Variants in SOX5 observed in about 807,000 individuals in gnomAD.
SOX5 encodes transcription factor SOX-5.
SOX5 carries 9 observed loss-of-function variants against 92.0 expected under a neutral mutation model. The ratio of observed to expected loss-of-function variants is 0.10; its 90% CI spans 0.06 to 0.17. SOX5 has a LOEUF of 0.17. Ranked by LOEUF, SOX5 falls within the 10% of genes least tolerant of loss-of-function variation. The probability of loss-of-function intolerance (pLI) is 1.00; values close to 1 mark genes in which losing one functional copy is unlikely to be tolerated. For synonymous variants in SOX5, 344 were observed against 336.3 expected (o/e 1.02, Z -0.25); for missense variants, 642 against 944.5 (o/e 0.68, Z 4.20).
intron 4 of SOX5, among the ~76,000 whole-genome samples, chr12:24,096,860 G>A (rs534985570): frequency 6.6e-6 from 1 of 152,200 alleles, no homozygotes; most frequent in South Asian, 2.1e-4. Context: ...GTGTGTGTCT[G>A]TGTATGTTCA....
At chr12:23,767,118 G>A (rs189442089) in intron 3 of SOX5, among the ~76,000 whole-genome samples, 14 of 151,782 alleles carry the variant, frequency 9.2e-5, no homozygotes, top group African/African-American at 1.9e-4. Context: ...GAGGTGGGAG[G>A]AGCCTTTGAG....
intron 1 of SOX5, among the ~76,000 whole-genome samples, chr12:23,913,741 G>GAAA (rs765548695): frequency 1.7e-5 from 1 of 58,072 alleles, no homozygotes; most frequent in East Asian, 5.5e-4. Flanking sequence ...TGTCTCAGAA[G>GAAA]AAAAAAAAAA....
intron 6 of SOX5, among the ~76,000 whole-genome samples, chr12:23,726,176 G>GAGAGAGAGAGA (rs1555294880): frequency 2.7e-5 from 2 of 73,028 alleles, no homozygotes; most frequent in Non-Finnish European, 5.9e-5. Context: ...AGAGAGAGAG[G>GAGAGAGAGAGA]TCAGTTTCTC....
intron 4 of SOX5, among the ~76,000 whole-genome samples, chr12:24,086,584 T>C (rs1944022241): frequency 1.3e-5 from 2 of 151,886 alleles, no homozygotes; most frequent in African/African-American, 2.4e-5. Context: ...AAGAAGAACA[T>C]TTCAGAAATG....
intron 8 of SOX5, among the ~76,000 whole-genome samples, chr12:23,618,923 T>C (rs115344113): frequency 1.5e-3 from 223 of 152,222 alleles, no homozygotes; most frequent in African/African-American, 5.1e-3. Flanking sequence ...TCAAAAATAA[T>C]AGTTTCCAAG....
Position 24,068,680 on chromosome 12 carries a change from A to ATGTGTGTGTG in SOX5, c.-2+144653_-2+144662dup, listed in dbSNP as rs367765179. Among the ~76,000 whole-genome samples the ATGTGTGTGTG allele has an allele frequency of 4.9e-3, 308 of 62,804 alleles. 3 individuals are homozygous for ATGTGTGTGTG. Among genetic ancestry groups the ATGTGTGTGTG allele is most frequent in the Middle Eastern group, 0.014 (1 of 72 alleles). 41.2% of individuals were successfully genotyped at this position (62,804 alleles called of 152,430 possible). ...TTATTTTTAGAAAGGTCAAAGTCGTATGTGTGTGTGTGTGTGTGTGTGTGT... is the reference window on the plus strand; with the variant it reads ...TTATTTTTAGAAAGGTCAAAGTCGTATGTGTGTGTGTGTGTGTGTGTGTGTGTGTGTGTGT... On this transcript the variant is annotated intron_variant, in intron 4 of 4. Coordinates refer to the SOX5 transcript ENST00000446891.
intron 8 of SOX5, among the ~76,000 whole-genome samples, chr12:23,631,449 T>C (rs2078522548): frequency 6.6e-6 from 1 of 152,108 alleles, no homozygotes; most frequent in South Asian, 2.1e-4. Context: ...TTTTTCTTGA[T>C]AAAATTTAAA....
chr12:24,102,761 T>C (rs961023461), intron 4 of SOX5, among the ~76,000 whole-genome samples: 5 of 152,234 alleles, frequency 3.3e-5, no homozygotes, highest in Non-Finnish European at 4.4e-5. Flanking sequence ...GTTTCACTGA[T>C]GAGTAAGATC....
intron 8 of SOX5, among the ~76,000 whole-genome samples, chr12:23,610,571 C>T (rs963710152): frequency 6.6e-6 from 1 of 152,012 alleles, no homozygotes; most frequent in Non-Finnish European, 1.5e-5. Context: ...ATCTCTTGTA[C>T]ATATTTAATA....
intron 6 of SOX5, among the ~76,000 whole-genome samples, chr12:23,722,332 A>G (rs1479413447): frequency 6.6e-6 from 1 of 152,182 alleles, no homozygotes; most frequent in Non-Finnish European, 1.5e-5. Flanking sequence ...CATGCTAAAT[A>G]TTAAATATTT....
At chr12:23,693,381 C>A (rs2089239909) in intron 6 of SOX5, among the ~76,000 whole-genome samples, 1 of 152,146 alleles carries the variant, frequency 6.6e-6, no homozygotes, top group Non-Finnish European at 1.5e-5. Flanking sequence ...GCCTCAGCCT[C>A]CCAAAGTGCT....
chr12:24,426,710 G>A (rs779576012), intron 1 of SOX5, among the ~76,000 whole-genome samples: 56 of 152,140 alleles, frequency 3.7e-4, no homozygotes, highest in Non-Finnish European at 3.4e-4. Context: ...ATACTCCAGC[G>A]TACTGCCCCA....
At chr12:24,002,272 T>C (rs1229098615) in intron 4 of SOX5, among the ~76,000 whole-genome samples, 2 of 151,898 alleles carry the variant, frequency 1.3e-5, no homozygotes, top group Non-Finnish European at 2.9e-5. Flanking sequence ...GAAACGTCAG[T>C]TGGTTCTTTA....
intron 3 of SOX5, among the ~76,000 whole-genome samples, chr12:23,765,929 C>T (rs1012649055): frequency 1.3e-5 from 2 of 152,116 alleles, no homozygotes; most frequent in Non-Finnish European, 2.9e-5. Flanking sequence ...CCTTAGGAAA[C>T]TCATCATCTC....
At chr12:23,610,957 G>A (rs946218322) in intron 8 of SOX5, among the ~76,000 whole-genome samples, 1 of 152,094 alleles carries the variant, frequency 6.6e-6, no homozygotes, top group Non-Finnish European at 1.5e-5. Flanking sequence ...GATGACAAAT[G>A]CCTTCTTTTT....
At chr12:23,718,830 C>T (rs2092655186) in intron 6 of SOX5, among the ~76,000 whole-genome samples, 1 of 152,054 alleles carries the variant, frequency 6.6e-6, no homozygotes, top group African/African-American at 2.4e-5. Flanking sequence ...AGGAGACGGG[C>T]AATAGGAGAA....
At chr12:23,780,851 A>T (rs899718601) in intron 3 of SOX5, among the ~76,000 whole-genome samples, 1 of 152,058 alleles carries the variant, frequency 6.6e-6, no homozygotes, top group Non-Finnish European at 1.5e-5. Flanking sequence ...GCATTATAAG[A>T]TAGAGTATGC....
At chr12:24,528,353 C>T (rs1201373799) in intron 1 of SOX5, among the ~76,000 whole-genome samples, 1 of 152,022 alleles carries the variant, frequency 6.6e-6, no homozygotes, top group East Asian at 1.9e-4. Flanking sequence ...TAAAGTCTGA[C>T]AAGTCTTTCC....
At chr12:24,136,798 T>C (rs759657183) in intron 4 of SOX5, among the ~76,000 whole-genome samples, 2 of 152,236 alleles carry the variant, frequency 1.3e-5, no homozygotes, top group Non-Finnish European at 2.9e-5. Flanking sequence ...AAAAGTTGAA[T>C]TTAGTTTGTT....
Sources: gnomAD v4.1 joint callset for allele counts (sites outside exome capture counted in the v4.1 genomes callset) on GRCh38, gnomAD v4.1.1 for gene constraint, MANE v1.5 for transcripts, NCBI Gene and HGNC (gene_info 2026-07-23, HGNC 2026-07-21) for gene names.